PCDHA2: variants seen among roughly 807,000 people sequenced by gnomAD.
PCDHA2 encodes protocadherin alpha 2, also known as protocadherin alpha-2.
PCDHA2 carries 58 observed loss-of-function variants against 66.0 expected under a neutral mutation model. The observed-to-expected ratio is 0.88, with a 90% confidence interval of 0.71 to 1.09. The LOEUF is 1.09. PCDHA2 is among the 50% of genes least tolerant of loss of function. PCDHA2 has a pLI of 0.00. For synonymous variants in PCDHA2, 634 were observed against 554.0 expected (o/e 1.14, Z -2.03); for missense variants, 1,267 against 1,242.3 (o/e 1.02, Z -0.30).
Position 140,847,724 on chromosome 5 carries a change from A to G in PCDHA2, c.2388+50372A>G, listed in dbSNP as rs2150403013. 2.0e-5 allele frequency: 3 copies of G among 150,110 alleles called. No individual in the cohort carries two copies. The South Asian group carries it at 6.3e-4, about 32-fold the overall frequency. 9.3% of individuals were successfully genotyped at this position (150,110 alleles called of 1,614,324 possible). ...ACAGATTGTATAAATGCTACAAAAGAGAAAAATATATTTTCTCCCCACGCA... is the reference window on the plus strand; with the variant it reads ...ACAGATTGTATAAATGCTACAAAAGGGAAAAATATATTTTCTCCCCACGCA... On this transcript the variant is annotated intron_variant, in intron 1 of 3. Transcript: ENST00000526136.
At chr5:140,832,047 A>G (rs1581927346) in intron 1 of PCDHA2, among the ~76,000 whole-genome samples, 1 of 152,250 alleles carries the variant, frequency 6.6e-6, no homozygotes, top group Non-Finnish European at 1.5e-5. Flanking sequence ...TAGTGAGGCC[A>G]TAATTACCAA....
intron 1 of PCDHA2, among the ~76,000 whole-genome samples, chr5:140,896,330 A>C (rs1435351695): frequency 1.3e-5 from 2 of 152,170 alleles, no homozygotes. Flanking sequence ...CAGTGGCTAA[A>C]CTAATTTATA....
At chr5:140,911,620 C>T (rs2075566183) in intron 1 of PCDHA2, among the ~76,000 whole-genome samples, 1 of 152,146 alleles carries the variant, frequency 6.6e-6, no homozygotes, top group Non-Finnish European at 1.5e-5. Context: ...CTTAGTTCCC[C>T]ACATATGGTC....
At chr5:140,895,730 A>G (rs781978402) in intron 1 of PCDHA2, among the ~76,000 whole-genome samples, 4 of 152,280 alleles carry the variant, frequency 2.6e-5, no homozygotes, top group Middle Eastern at 3.4e-3. Flanking sequence ...CCTCCATTCA[A>G]TGGGCTGCAA....
At chr5:140,833,481 C>T (rs968356288) in intron 1 of PCDHA2, among the ~76,000 whole-genome samples, 1 of 152,024 alleles carries the variant, frequency 6.6e-6, no homozygotes, top group South Asian at 2.1e-4. Flanking sequence ...AGAAATAATA[C>T]AAATCATATT....
intron 1 of PCDHA2, chr5:140,810,664 T>G (rs1029806382): frequency 1.1e-4 from 14 of 125,974 alleles, no homozygotes; most frequent in Non-Finnish European, 2.1e-4. Context: ...CTGTTGTTTT[T>G]CTTTTCTTTT....
At chr5:140,805,601 A>G (rs116256026) in intron 1 of PCDHA2, 17,168 of 921,444 alleles carry the variant, frequency 0.019, 175 homozygotes, top group Non-Finnish European at 0.02. Context: ...TTTATATATT[A>G]AATTTCTTTA....
At chr5:140,876,098 A>G in intron 1 of PCDHA2, 2 of 1,613,962 alleles carry the variant, frequency 1.2e-6, no homozygotes, top group Non-Finnish European at 1.7e-6. Flanking sequence ...CCAAAACTCA[A>G]TTTATTGCTG....
chr5:140,940,825 G>A (rs782539336), intron 1 of PCDHA2, among the ~76,000 whole-genome samples: 53 of 152,232 alleles, frequency 3.5e-4, no homozygotes, highest in South Asian at 6.2e-4. Context: ...ATCTTGGATG[G>A]AAATACCTTT....
intron 3 of PCDHA2, among the ~76,000 whole-genome samples, chr5:141,002,937 C>T (rs2098103358): frequency 6.6e-6 from 1 of 152,232 alleles, no homozygotes; most frequent in Non-Finnish European, 1.5e-5. Context: ...CCAACACCCT[C>T]CAGCACATGC....
At chr5:140,854,861 A>G (rs1176578969) in intron 1 of PCDHA2, among the ~76,000 whole-genome samples, 2 of 149,864 alleles carry the variant, frequency 1.3e-5, no homozygotes, top group African/African-American at 4.9e-5. Flanking sequence ...TACTAGATAT[A>G]TTTCAGAACT....
chr5:140,834,588 A>G (rs2150222080), intron 1 of PCDHA2: 1 of 1,614,122 alleles, frequency 6.2e-7, no homozygotes, highest in Non-Finnish European at 8.5e-7. Flanking sequence ...GGCGGTGTGC[A>G]AATTCCGTGG....
chr5:140,829,411 C>T, intron 1 of PCDHA2: 1 of 1,614,148 alleles, frequency 6.2e-7, no homozygotes. Flanking sequence ...CCACCGCCAG[C>T]TTGTCTGTGG....
chr5:140,849,878 G>C, intron 1 of PCDHA2: 1 of 1,598,602 alleles, frequency 6.3e-7, no homozygotes, highest in South Asian at 1.1e-5. Context: ...CCGAGTACAC[G>C]GTGTTCGTGA....
chr5:140,870,155 T>C (rs1554163855), intron 1 of PCDHA2: 4 of 1,614,014 alleles, frequency 2.5e-6, no homozygotes, highest in Non-Finnish European at 3.4e-6. Flanking sequence ...GAAGTCGCCG[T>C]GACTTCCTTG....
intron 1 of PCDHA2, chr5:140,866,572 GTGGT>G (rs1562601054): frequency 6.6e-6 from 1 of 152,168 alleles, no homozygotes; most frequent in African/African-American, 2.4e-5. Context: ...TGTTAATACA[GTGGT>G]TGGATAATGT....
intron 1 of PCDHA2, chr5:140,864,763 A>T (rs976670249): frequency 6.6e-6 from 1 of 152,064 alleles, no homozygotes; most frequent in East Asian, 1.9e-4. Context: ...TTTTTCTTTC[A>T]TTTTTGGTAC....
rs1171652738 is a variant in PCDHA2 at position 140,842,111 on chromosome 5, C to A, written c.2388+44759C>A. On this transcript the variant is annotated intron_variant, in intron 1 of 3. Transcript: ENST00000526136. ...AGACAACGGAACAACAGTTATCAAA[C>A]TGAATGCTTCTGATCCGGATGAAGG... is the stretch of plus-strand genomic sequence containing the variant. The A allele has an allele frequency of 3.1e-6, 5 of 1,613,758 alleles. No individual in the cohort carries two copies. In the Admixed American group the frequency reaches 8.3e-5, roughly 27 times the overall value.
intron 1 of PCDHA2, among the ~76,000 whole-genome samples, chr5:140,899,694 T>G (rs961067519): frequency 2.0e-5 from 3 of 152,236 alleles, no homozygotes; most frequent in African/African-American, 4.8e-5. Flanking sequence ...GCTGGCCTCA[T>G]AAAATGAGTT....
Sources: gnomAD v4.1 joint callset for allele counts (sites outside exome capture counted in the v4.1 genomes callset) on GRCh38, gnomAD v4.1.1 for gene constraint, MANE v1.5 for transcripts, NCBI Gene and HGNC (gene_info 2026-07-23, HGNC 2026-07-21) for gene names.